The following GALK2 variants were observed in gnomAD, a reference collection of about 807,000 sequenced individuals.
GALK2 encodes the protein N-acetylgalactosamine kinase.
A neutral mutation model predicts 52.4 loss-of-function variants in GALK2; 36 were observed. The observed-to-expected ratio is 0.69, with a 90% CI of 0.53 to 0.91. The LOEUF is 0.91. Ranked by LOEUF, GALK2 falls within the 40% of genes least tolerant of loss-of-function variation. The pLI is 0.00. For missense variants in GALK2, 579 were observed against 559.1 expected, an observed-to-expected ratio of 1.04 and a Z score of -0.36; for synonymous variants, 176 against 199.1, an observed-to-expected ratio of 0.88 and a Z score of 0.98.
downstream of GALK2, among the ~76,000 whole-genome samples, chr15:49,333,391 C>T (rs561764003): frequency 1.1e-4 from 16 of 152,260 alleles, no homozygotes; most frequent in South Asian, 3.3e-3. Context: ...AACAATGTGC[C>T]ATTGCATTAA....
At chr15:49,347,677 A>C (rs1370859100) in intron 3 of GALK2, among the ~76,000 whole-genome samples, 1 of 152,178 alleles carries the variant, frequency 6.6e-6, no homozygotes, top group African/African-American at 2.4e-5. Flanking sequence ...TACTTTGTTA[A>C]AGAAGTCAGA....
rs184685919 is a variant in GALK2 at position 49,247,702 on chromosome 15, A to T, written c.504+8335A>T. Among the ~76,000 whole-genome samples, 4 of 152,330 alleles carry T rather than the reference A, an allele frequency of 2.6e-5. No individual in the cohort carries two copies. In the East Asian group the frequency reaches 5.8e-4, roughly 22 times the overall value. On this transcript the variant is annotated intron_variant, in intron 5 of 9. Coordinates refer to ENST00000560031, the MANE Select transcript of GALK2 (RefSeq NM_002044.4). ...AAAGGCTGGGAAACAAAGCACTGGG[A>T]GGGGCCCAAGGGCATTTCAGGCAGA...
chr15:49,185,675 G>GTGGGTATC (rs2086288511), intron 1 of GALK2: 1 of 152,150 alleles, frequency 6.6e-6, no homozygotes, highest in Non-Finnish European at 1.5e-5. Flanking sequence ...CTAGTGTAAG[G>GTGGGTATC]TGGGTATCTC....
intron 2 of GALK2, among the ~76,000 whole-genome samples, chr15:49,203,803 A>T (rs1386775310): frequency 6.6e-6 from 1 of 152,206 alleles, no homozygotes; most frequent in Non-Finnish European, 1.5e-5. Flanking sequence ...CTATGAATGA[A>T]AGTAACTTTG....
intron 3 of GALK2, chr15:49,366,267 T>C (rs74357970): frequency 2.5e-6 from 2 of 786,868 alleles, no homozygotes; most frequent in Non-Finnish European, 4.7e-6. Context: ...TTGTCACTTA[T>C]AAATGCAATC....
intron 3 of GALK2, among the ~76,000 whole-genome samples, chr15:49,354,580 T>G (rs2042786354): frequency 6.6e-6 from 1 of 152,182 alleles, no homozygotes; most frequent in African/African-American, 2.4e-5. Context: ...ATCCCGCACC[T>G]GGCTGGAAGG....
In GALK2 at chr15:49,174,214, G is replaced by A. The variant is rs376658433; in HGVS notation, c.53+3839G>A. Among the ~76,000 whole-genome samples, 5 of 152,192 alleles carry A rather than the reference G, an allele frequency of 3.3e-5. No homozygotes were observed. In the South Asian group the frequency reaches 1.0e-3, roughly 32 times the overall value. ...GTATATATATTCTCTGAGCATTCTTGTGAATTTTTTAAAGCTCATTTATGA... is the reference window on the plus strand; with the variant it reads ...GTATATATATTCTCTGAGCATTCTTATGAATTTTTTAAAGCTCATTTATGA... On this transcript the variant is annotated intron_variant, in intron 1 of 9. Coordinates refer to ENST00000560031, the MANE Select transcript of GALK2 (RefSeq NM_002044.4).
At position 49,328,012 on chromosome 15, in the gene GALK2, A is replaced by C; in HGVS notation, c.1230A>C (p.Ser410=). The C allele has an allele frequency of 6.2e-7, 1 of 1,613,988 alleles. No individual in the cohort carries two copies. The highest frequency in any genetic ancestry group is 1.1e-5 in the South Asian group (1 of 91,078). The change falls in exon 10 of 10, where the codon TCA becomes TCC. Residue 410 remains serine (S), a synonymous_variant. Transcript: ENST00000560031. The part of the protein sequence containing the change: ...TGAGWGGCTV[S]MVPADKLPSF... ...CAGGATGGGGAGGCTGCACAGTATC[A>C]ATGGTACCTGCGGACAAGCTGCCCA...
At chr15:49,186,664 G>A (rs539743616) in intron 1 of GALK2, among the ~76,000 whole-genome samples, 1 of 150,592 alleles carries the variant, frequency 6.6e-6, no homozygotes, top group Non-Finnish European at 1.5e-5. Context: ...CTCAACCTCC[G>A]AGTAGCTGGG....
chr15:49,233,438 A>G lies in GALK2; in HGVS notation c.267-2413A>G, dbSNP rs935128246. On this transcript the variant is annotated intron_variant, in intron 3 of 9. Transcript: ENST00000560031. ...TTGGGCAGGGATGCAAATCCAAATT[A>G]TATCACAGTTCTTTCTGGAACGTTG... is the stretch of plus-strand genomic sequence containing the variant. Among the ~76,000 whole-genome samples the G allele has an allele frequency of 3.9e-5, 6 of 152,212 alleles. No homozygotes were observed. The South Asian group carries it at 1.2e-3, about 32-fold the overall frequency.
chr15:49,367,284 C>A (rs570660338), intron 3 of GALK2, among the ~76,000 whole-genome samples: 170 of 152,088 alleles, frequency 1.1e-3, no homozygotes, highest in Non-Finnish European at 2.2e-3. Context: ...TAAAGAAAAG[C>A]CAAACATACT....
intron 3 of GALK2, among the ~76,000 whole-genome samples, chr15:49,219,364 G>A (rs922279525): frequency 2.0e-5 from 3 of 152,156 alleles, no homozygotes; most frequent in African/African-American, 7.2e-5. Flanking sequence ...GATATAAGAC[G>A]TGACTTGCTC....
chr15:49,256,194 A>G (rs1279817701), intron 5 of GALK2, among the ~76,000 whole-genome samples: 2 of 152,286 alleles, frequency 1.3e-5, no homozygotes, highest in East Asian at 3.9e-4. Context: ...AATTATTGTA[A>G]TCTTTTAAGG....
chr15:49,264,746 T>A (rs1457091886), intron 5 of GALK2, among the ~76,000 whole-genome samples: 1 of 152,106 alleles, frequency 6.6e-6, no homozygotes, highest in African/African-American at 2.4e-5. Context: ...TACAGATGGG[T>A]TTTTGGTGTG....
chr15:49,343,027 GGT>G (rs2151241705), intron 3 of GALK2, among the ~76,000 whole-genome samples: 1 of 152,190 alleles, frequency 6.6e-6, no homozygotes, highest in African/African-American at 2.4e-5. Context: ...GTATCTCACA[GGT>G]GTTCTCTGAA....
chr15:49,325,695 T>C (rs1376424433), intron 9 of GALK2, among the ~76,000 whole-genome samples: 2 of 152,240 alleles, frequency 1.3e-5, no homozygotes, highest in East Asian at 3.8e-4. Flanking sequence ...GAAGGCTATT[T>C]CTAATAGCAC....
In GALK2 at chr15:49,252,971, A is replaced by G. The variant is rs1262811191; in HGVS notation, c.504+13604A>G. Among the ~76,000 whole-genome samples, 3 of 144,374 alleles carry G rather than the reference A, an allele frequency of 2.1e-5. 1 individual carries two copies. The highest frequency in any genetic ancestry group is 4.7e-5 in the Non-Finnish European group (3 of 64,286). 94.7% of individuals were successfully genotyped at this position (144,374 alleles called of 152,430 possible). The stretch of plus-strand genomic sequence containing the variant: ...CACTTGCATTTTTTGATTTGGCTGT[A>G]TATCAACTCAGCTCATTTTCTCCTG... On this transcript the variant is annotated intron_variant, in intron 5 of 9. Transcript: ENST00000560031.
intron 6 of GALK2, 116 bp from the exon 7 acceptor site, chr15:49,283,450 A>G: frequency 1.2e-6 from 1 of 860,544 alleles, no homozygotes. Context: ...TCAATAAGTA[A>G]TATTTGAATG....
At chr15:49,192,078 G>A (rs1351844098) in intron 1 of GALK2, among the ~76,000 whole-genome samples, 2 of 151,982 alleles carry the variant, frequency 1.3e-5, no homozygotes, top group African/African-American at 2.4e-5. Flanking sequence ...GTGTCATTGC[G>A]ACATGTCACT....
Sources: allele counts gnomAD v4.1 joint callset (sites outside exome capture counted in the v4.1 genomes callset), GRCh38; gene constraint gnomAD v4.1.1; transcripts MANE v1.5; gene names NCBI Gene and HGNC (gene_info 2026-07-23, HGNC 2026-07-21).